Variants in TRAF5 observed in about 807,000 individuals in gnomAD.
TRAF5 encodes TNF receptor-associated factor 5.
TRAF5 carries 48 observed loss-of-function variants against 64.5 expected under a neutral mutation model. The observed-to-expected ratio is 0.74, with a 90% CI of 0.59 to 0.95. TRAF5 has a LOEUF of 0.95. TRAF5 is among the 40% of genes least tolerant of loss of function. The pLI is 0.00. For synonymous variants in TRAF5, 206 were observed against 240.5 expected (o/e 0.86, Z 1.33); for missense variants, 545 against 662.8 (o/e 0.82, Z 1.95).
At chr1:211,330,277 C>T (rs1442548025) in intron 1 of TRAF5, among the ~76,000 whole-genome samples, 2 of 152,040 alleles carry the variant, frequency 1.3e-5, no homozygotes, top group East Asian at 3.9e-4. Flanking sequence ...CACTTACTTT[C>T]AGCAGAGCCC....
chr1:211,353,556 A>C, intron 2 of TRAF5, 99 bp downstream of exon 2: 1 of 1,196,730 alleles, frequency 8.4e-7, no homozygotes, highest in South Asian at 1.4e-5. Context: ...GAGTTGTTTT[A>C]CTTGGCCACA....
At chr1:211,355,314 T>A (rs1702925135) in intron 3 of TRAF5, among the ~76,000 whole-genome samples, 1 of 152,194 alleles carries the variant, frequency 6.6e-6, no homozygotes, top group African/African-American at 2.4e-5. Context: ...ACAAAAAATT[T>A]TCATTTTGAT....
chr1:211,329,496 C>A (rs1287719225), intron 1 of TRAF5, among the ~76,000 whole-genome samples: 1 of 152,212 alleles, frequency 6.6e-6, no homozygotes, highest in South Asian at 2.1e-4. Context: ...AGCTGAGGCT[C>A]AGAAGTGATT....
At chr1:211,337,224 G>A (rs548231570) in intron 1 of TRAF5, among the ~76,000 whole-genome samples, 1 of 152,336 alleles carries the variant, frequency 6.6e-6, no homozygotes, top group South Asian at 2.1e-4. Flanking sequence ...CATTTTCCAT[G>A]TAGGGTGGTC....
At chr1:211,360,238 T>A in intron 5 of TRAF5, 162 bp downstream of exon 5, 1 of 697,898 alleles carries the variant, frequency 1.4e-6, no homozygotes, top group Non-Finnish European at 2.3e-6. Context: ...GTGAAAAGCT[T>A]AAAACCTTCT....
intron 4 of TRAF5, chr1:211,358,090 G>A (rs147255730): frequency 2.2e-4 from 33 of 152,252 alleles, no homozygotes; most frequent in Non-Finnish European, 3.4e-4. Context: ...GACCCTCAGG[G>A]GGACAAGTTC....
chr1:211,372,166 A>C lies in TRAF5; in HGVS notation c.1138A>C (p.Ile380Leu). The C allele has an allele frequency of 6.2e-7, 1 of 1,612,462 alleles. No individual in the cohort carries two copies. Among genetic ancestry groups the C allele is most frequent in the Non-Finnish European group, 8.5e-7 (1 of 1,179,554 alleles). ...EEETNKHDTH[I>L]NIHKAQLSKN... ...GGAAACTAACAAACATGATACCCACATTAATATTCATAAAGCACAGCTGAG... is the reference window on the plus strand; with the variant it reads ...GGAAACTAACAAACATGATACCCACCTTAATATTCATAAAGCACAGCTGAG... Residue 380 changes from isoleucine (I) to leucine (L), a missense_variant, in exon 11 of 11, where the codon ATT becomes CTT. Physicochemically the swap from Ile to Leu is conservative, Grantham distance 5. Coordinates refer to ENST00000261464, the MANE Select transcript of TRAF5 (RefSeq NM_001033910.3).
intron 7 of TRAF5, 30 bp downstream of exon 7, chr1:211,361,192 A>C: frequency 3.1e-6 from 5 of 1,594,036 alleles, no homozygotes; most frequent in Non-Finnish European, 4.3e-6. Context: ...TTCTGCCTAT[A>C]CATTCTACTG....
chr1:211,356,296 A>AT (rs1216467450), intron 3 of TRAF5, 71 bp from the exon 4 acceptor site: 1 of 1,353,216 alleles, frequency 7.4e-7, no homozygotes, highest in African/African-American at 1.4e-5. Flanking sequence ...CGAAGACCAA[A>AT]TTAGTAATAG....
intron 1 of TRAF5, among the ~76,000 whole-genome samples, chr1:211,334,562 G>A (rs1702241831): frequency 6.6e-6 from 1 of 152,216 alleles, no homozygotes; most frequent in South Asian, 2.1e-4. Context: ...GGAGGCTGAG[G>A]CAGGAGAATC....
At chr1:211,354,268 C>T (rs1381460227) in intron 2 of TRAF5, 142 bp from the exon 3 acceptor site, 15 of 687,910 alleles carry the variant, frequency 2.2e-5, no homozygotes, top group East Asian at 5.4e-5. Context: ...ACAGGAGGCC[C>T]CTTCTGGGTA....
intron 1 of TRAF5, among the ~76,000 whole-genome samples, chr1:211,346,842 T>C (rs1221191046): frequency 2.0e-5 from 3 of 152,220 alleles, no homozygotes; most frequent in Non-Finnish European, 4.4e-5. Flanking sequence ...CAGCTTTCCT[T>C]TGGAATTCCT....
chr1:211,365,361 C>A lies in TRAF5; in HGVS notation c.697-15C>A, dbSNP rs1332973332. Reference sequence around the variant, plus strand: ...CCTCTCAGCAACCTGACTTATTTTTCTCTTCATATTGAAGGATAAACGGAG... The same window carrying A: ...CCTCTCAGCAACCTGACTTATTTTTATCTTCATATTGAAGGATAAACGGAG... On this transcript the variant is annotated splice_polypyrimidine_tract_variant and intron_variant, in intron 7 of 10. Coordinates refer to ENST00000261464, the MANE Select transcript of TRAF5 (RefSeq NM_001033910.3). 1.2e-5 allele frequency: 19 copies of A among 1,606,844 alleles called. No homozygotes were observed. The highest frequency in any genetic ancestry group is 1.6e-5 in the Non-Finnish European group (19 of 1,177,042).
At chr1:211,327,663 C>T (rs1702058628) in intron 1 of TRAF5, among the ~76,000 whole-genome samples, 2 of 152,224 alleles carry the variant, frequency 1.3e-5, no homozygotes, top group Non-Finnish European at 2.9e-5. Context: ...CCCACTGGGC[C>T]ACTCTGGCTG....
At chr1:211,351,795 G>A (rs1702793592) in intron 1 of TRAF5, among the ~76,000 whole-genome samples, 1 of 152,034 alleles carries the variant, frequency 6.6e-6, no homozygotes, top group South Asian at 2.1e-4. Context: ...TCTATTTCTG[G>A]GTTGTCTATT....
intron 3 of TRAF5, 25 bp from the exon 4 acceptor site, chr1:211,356,342 G>T: frequency 6.3e-7 from 1 of 1,586,750 alleles, no homozygotes; most frequent in South Asian, 1.1e-5. Context: ...TGAAGTGTGT[G>T]AGACCTATTA....
intron 1 of TRAF5, among the ~76,000 whole-genome samples, chr1:211,330,915 A>T (rs1021307171): frequency 2.0e-5 from 3 of 152,144 alleles, no homozygotes; most frequent in Non-Finnish European, 4.4e-5. Context: ...GACTTAAACC[A>T]ACACTTTTAA....
chr1:211,349,225 C>A (rs557240300), intron 1 of TRAF5, among the ~76,000 whole-genome samples: 110 of 152,112 alleles, frequency 7.2e-4, no homozygotes, highest in African/African-American at 2.6e-3. Flanking sequence ...AAAGAAAAAA[C>A]AAGAGTGTTA....
In TRAF5 at chr1:211,349,509, C is replaced by T. The variant is rs536373553; in HGVS notation, c.-1-3730C>T. Among the ~76,000 whole-genome samples the T allele has an allele frequency of 1.0e-3, 158 of 152,254 alleles. 1 individual carries two copies. Among genetic ancestry groups the T allele is most frequent in the Middle Eastern group, 6.8e-3 (2 of 294 alleles). ...CCATTTTAAGGTCACTGGTCCCATC[C>T]GTGGATACAAAGCCCTCATGACTTA... On this transcript the variant is annotated intron_variant, in intron 1 of 10. Transcript: ENST00000261464.
Sources: gnomAD v4.1 joint callset for allele counts (sites outside exome capture counted in the v4.1 genomes callset) on GRCh38, gnomAD v4.1.1 for gene constraint, MANE v1.5 for transcripts, NCBI Gene and HGNC (gene_info 2026-07-23, HGNC 2026-07-21) for gene names.